The following DCAF6 variants were observed in gnomAD, a reference collection of about 807,000 sequenced individuals.
DCAF6 encodes DDB1- and CUL4-associated factor 6.
A neutral mutation model predicts 125.1 loss-of-function variants in DCAF6; 54 were observed. The observed-to-expected ratio is 0.43, with a 90% CI of 0.35 to 0.54. DCAF6 has a LOEUF of 0.54. DCAF6 is among the 20% of genes least tolerant of loss of function. The pLI is 0.01. For missense variants in DCAF6, 934 were observed against 1,161.7 expected (o/e 0.80, Z 2.85); for synonymous variants, 371 against 390.4 (o/e 0.95, Z 0.58).
At chr1:167,963,223 T>G (rs1379321691) in intron 2 of DCAF6, among the ~76,000 whole-genome samples, 1 of 151,790 alleles carries the variant, frequency 6.6e-6, no homozygotes, top group African/African-American at 2.4e-5. Flanking sequence ...GAGATCGTGC[T>G]GCTTCACTTC....
At chr1:168,055,725 C>A (rs529476259) in intron 17 of DCAF6, among the ~76,000 whole-genome samples, 449 of 87,714 alleles carry the variant, frequency 5.1e-3, no homozygotes, top group Non-Finnish European at 7.3e-3. Flanking sequence ...TTATATTTAT[C>A]TATAATCATT....
chr1:167,951,801 A>G lies in DCAF6; in HGVS notation c.99A>G (p.Gly33=). 1 of 1,577,162 alleles carries G rather than the reference A, an allele frequency of 6.3e-7. No homozygotes were observed. The part of the protein sequence containing the change: ...DPSRLRSRYL[G]RREFIQRLKL... ...AATTTGTTCTTTCTTTTTAAACAGG[A>G]AGAAGAGAATTTATCCAAAGATTAA... Residue 33 remains glycine (G), a splice_region_variant and synonymous_variant, in exon 2 of 22, where the codon GGA becomes GGG. Transcript: ENST00000367840.
intron 5 of DCAF6, among the ~76,000 whole-genome samples, chr1:167,988,522 C>T (rs566718717): frequency 2.1e-4 from 32 of 152,014 alleles, no homozygotes; most frequent in Non-Finnish European, 3.8e-4. Context: ...TCTTTTGACC[C>T]CAGACAAGTA....
At chr1:168,014,621 G>A (rs1414833657) in intron 10 of DCAF6, among the ~76,000 whole-genome samples, 1 of 152,112 alleles carries the variant, frequency 6.6e-6, no homozygotes, top group Non-Finnish European at 1.5e-5. Context: ...ATTGTTCCCT[G>A]CCGTAATAAA....
intron 11 of DCAF6, chr1:168,019,591 C>A (rs780803282): frequency 2.2e-6 from 1 of 455,274 alleles, no homozygotes; most frequent in South Asian, 1.6e-5. Flanking sequence ...AGTGACAGCA[C>A]CCTGTGGAGT....
chr1:168,029,269 C>G (rs1371580547), intron 12 of DCAF6, among the ~76,000 whole-genome samples: 1 of 152,274 alleles, frequency 6.6e-6, no homozygotes, highest in Non-Finnish European at 1.5e-5. Flanking sequence ...CATGCATCAT[C>G]TAATTTGTGC....
intron 4 of DCAF6, among the ~76,000 whole-genome samples, chr1:167,984,076 C>T (rs374343151): frequency 2.0e-5 from 3 of 152,174 alleles, no homozygotes; most frequent in South Asian, 4.1e-4. Context: ...GCTCAAGGCT[C>T]ACTATTCTTT....
chr1:167,940,630 A>G (rs759549667), intron 1 of DCAF6, among the ~76,000 whole-genome samples: 36 of 152,026 alleles, frequency 2.4e-4, no homozygotes, highest in Non-Finnish European at 4.7e-4. Context: ...GAAATCAGTG[A>G]TTTATTAGCC....
the DCAF6 span, chr1:167,870,136 G>T: frequency 9.0e-7 from 1 of 1,109,710 alleles, no homozygotes. Flanking sequence ...CAAGGGTCAT[G>T]GCATCCAATA....
the DCAF6 span, chr1:167,902,127 G>C: frequency 1.2e-5 from 17 of 1,414,752 alleles, no homozygotes; most frequent in Non-Finnish European, 1.4e-5. Context: ...TTCTTTCTTA[G>C]TGGAATAGAA....
intron 1 of DCAF6, among the ~76,000 whole-genome samples, chr1:167,938,412 A>AT (rs1483939110): frequency 6.6e-6 from 1 of 152,232 alleles, no homozygotes; most frequent in Non-Finnish European, 1.5e-5. Context: ...AGTAGGTAAC[A>AT]TTATGAAGTA....
Position 168,065,665 on chromosome 1 carries a change from C to T in DCAF6, c.2515C>T (p.Arg839Trp), listed in dbSNP as rs745724831. Residue 839 changes from arginine to tryptophan, a missense_variant, in exon 19 of 22, where the codon CGG becomes TGG. Arg to Trp is a moderately radical substitution (Grantham distance 101). Transcript: ENST00000367840. ...CTGTGGCCACATTTTCATCTGGGAT[C>T]GGCACACTGCTGAGCATTTGATGCT... ...SDCGHIFIWD[R>W]HTAEHLMLLE... 1.2e-6 allele frequency: 2 copies of T among 1,613,194 alleles called. No individual in the cohort carries two copies. The highest frequency in any genetic ancestry group is 2.2e-5 in the East Asian group (1 of 44,866).
chr1:168,041,522 A>G (rs944704282), intron 13 of DCAF6, among the ~76,000 whole-genome samples: 6 of 152,034 alleles, frequency 3.9e-5, no homozygotes, highest in African/African-American at 1.4e-4. Flanking sequence ...CAAAAACTGT[A>G]TATTCCTTCT....
intron 19 of DCAF6, 112 bp downstream of exon 19, chr1:168,065,858 A>T: frequency 1.0e-6 from 1 of 996,040 alleles, no homozygotes; most frequent in Non-Finnish European, 1.4e-6. Context: ...AAACTATCTG[A>T]CTAGGCAGCA....
the DCAF6 span, among the ~76,000 whole-genome samples, chr1:167,913,028 A>G: frequency 2.6e-5 from 4 of 152,224 alleles, no homozygotes; most frequent in Non-Finnish European, 5.9e-5. Context: ...TGACCTAGAC[A>G]AAAGATGTAG....
intron 12 of DCAF6, among the ~76,000 whole-genome samples, chr1:168,028,160 CT>C (rs1183942335): frequency 6.6e-6 from 1 of 152,002 alleles, no homozygotes; most frequent in Non-Finnish European, 1.5e-5. Context: ...TCCTTTTTAT[CT>C]CTCTACTATA....
chr1:167,878,283 G>A, the DCAF6 span, among the ~76,000 whole-genome samples: 7 of 152,136 alleles, frequency 4.6e-5, no homozygotes, highest in African/African-American at 1.7e-4. Context: ...TCAGTCAGAT[G>A]GAGGAAAGAT....
chr1:167,972,232 T>A (rs1265248605), intron 3 of DCAF6, among the ~76,000 whole-genome samples: 1 of 152,250 alleles, frequency 6.6e-6, no homozygotes, highest in East Asian at 1.9e-4. Flanking sequence ...ATCTGCAGTA[T>A]CATACATACC....
chr1:167,978,056 T>G (rs1394923689), intron 4 of DCAF6, among the ~76,000 whole-genome samples: 2 of 152,216 alleles, frequency 1.3e-5, no homozygotes, highest in Non-Finnish European at 2.9e-5. Context: ...CTTAACTCAT[T>G]TGTGAAATTC....
Sources: allele counts gnomAD v4.1 joint callset (sites outside exome capture counted in the v4.1 genomes callset), GRCh38; gene constraint gnomAD v4.1.1; transcripts MANE v1.5; gene names NCBI Gene and HGNC (gene_info 2026-07-23, HGNC 2026-07-21).